HPSE2: variants seen among roughly 807,000 people sequenced by gnomAD.
HPSE2 encodes the protein heparanase 2 (inactive).
Under a neutral mutation model 60.5 loss-of-function variants are expected in HPSE2, and 38 were observed. The observed-to-expected ratio is 0.63, with a 90% CI of 0.48 to 0.82. The LOEUF (loss-of-function observed/expected upper bound fraction) is 0.82. Ranked by LOEUF, HPSE2 falls within the 40% of genes least tolerant of loss-of-function variation. HPSE2 has a pLI of 0.00. For missense variants in HPSE2, 713 were observed against 740.4 expected, an observed-to-expected ratio of 0.96 and a Z score of 0.43; for synonymous variants, 295 against 293.2, an observed-to-expected ratio of 1.01 and a Z score of -0.06.
chr10:99,186,542 C>CA lies in HPSE2; in HGVS notation c.449-42144dup, dbSNP rs60186369. Among the ~76,000 whole-genome samples the CA allele has an allele frequency of 5.7e-3, 342 of 59,482 alleles. 36 individuals carry two copies. Among genetic ancestry groups the CA allele is most frequent in the African/African-American group, 0.017 (205 of 12,344 alleles). The allele number at this position is 59,482 out of a possible 152,430, so 39.0% of individuals were successfully genotyped here. Reference sequence around the variant, plus strand: ...TAGGTGACAGAGTGAGACTCCATCTCAAAAAAAAAAAAAAAAAAAAAAAAA... The same window carrying CA: ...TAGGTGACAGAGTGAGACTCCATCTCAAAAAAAAAAAAAAAAAAAAAAAAAA... On this transcript the variant is annotated intron_variant, in intron 2 of 11. Transcript: ENST00000370552.
intron 9 of HPSE2, among the ~76,000 whole-genome samples, chr10:98,595,164 ATTTTTTTTTT>A (rs34509249): frequency 1.1e-5 from 1 of 91,688 alleles, no homozygotes; most frequent in Non-Finnish European, 2.1e-5. Context: ...TATAAATGAG[ATTTTTTTTTT>A]TTTTTTTTTT....
intron 6 of HPSE2, among the ~76,000 whole-genome samples, chr10:98,652,069 C>T (rs1419824568): frequency 6.6e-6 from 1 of 152,058 alleles, no homozygotes; most frequent in South Asian, 2.1e-4. Context: ...CCACGCTCGG[C>T]CAGAAATAGT....
At chr10:99,153,840 G>C (rs1299831278) in intron 2 of HPSE2, among the ~76,000 whole-genome samples, 1 of 151,622 alleles carries the variant, frequency 6.6e-6, no homozygotes, top group African/African-American at 2.4e-5. Context: ...AGGTAAAGAA[G>C]TTGAAAACTT....
chr10:98,533,709 C>T (rs1943197850), intron 9 of HPSE2, among the ~76,000 whole-genome samples: 1 of 152,040 alleles, frequency 6.6e-6, no homozygotes, highest in African/African-American at 2.4e-5. Context: ...TACTGCTCAC[C>T]CTAAGTAATG....
intron 11 of HPSE2, among the ~76,000 whole-genome samples, chr10:98,481,349 G>A (rs1941227264): frequency 1.3e-5 from 2 of 152,094 alleles, no homozygotes; most frequent in Non-Finnish European, 2.9e-5. Context: ...CAAAGGATTA[G>A]GATAAAATAA....
chr10:99,021,541 T>C (rs1374149651), intron 3 of HPSE2, among the ~76,000 whole-genome samples: 1 of 151,910 alleles, frequency 6.6e-6, no homozygotes, highest in Non-Finnish European at 1.5e-5. Context: ...GGTCCTACTC[T>C]AAATTAATTA....
intron 3 of HPSE2, among the ~76,000 whole-genome samples, chr10:99,109,404 G>A (rs1419670084): frequency 6.6e-6 from 1 of 151,938 alleles, no homozygotes; most frequent in Non-Finnish European, 1.5e-5. Flanking sequence ...TGAGTTGCTT[G>A]GAATTATTGC....
chr10:99,047,480 AT>A (rs1957882271), intron 3 of HPSE2, among the ~76,000 whole-genome samples: 1 of 152,222 alleles, frequency 6.6e-6, no homozygotes, highest in Non-Finnish European at 1.5e-5. Flanking sequence ...GTGGGACCTA[AT>A]TAAACAGAAG....
chr10:99,029,569 G>T (rs1957453380), intron 3 of HPSE2, among the ~76,000 whole-genome samples: 1 of 152,210 alleles, frequency 6.6e-6, no homozygotes, highest in African/African-American at 2.4e-5. Flanking sequence ...CACTGGACAG[G>T]GGGCCCTTCC....
intron 9 of HPSE2, among the ~76,000 whole-genome samples, chr10:98,521,233 T>C (rs1311948280): frequency 1.3e-5 from 2 of 152,158 alleles, no homozygotes; most frequent in East Asian, 1.9e-4. Flanking sequence ...ATTTTTGCAA[T>C]CTACCCATCT....
the HPSE2 span, among the ~76,000 whole-genome samples, chr10:99,269,413 A>AAT: frequency 1.3e-5 from 2 of 152,130 alleles, no homozygotes; most frequent in Admixed American, 6.5e-5. Context: ...ATCAGTCCTA[A>AAT]ATATATATAT....
intron 7 of HPSE2, among the ~76,000 whole-genome samples, chr10:98,629,569 T>C (rs1413116713): frequency 6.6e-6 from 1 of 152,238 alleles, no homozygotes; most frequent in African/African-American, 2.4e-5. Context: ...TGTCCTCTTC[T>C]TCCTCACTGC....
chr10:98,592,664 G>A (rs1945122331), intron 9 of HPSE2, among the ~76,000 whole-genome samples: 1 of 152,152 alleles, frequency 6.6e-6, no homozygotes, highest in Non-Finnish European at 1.5e-5. Flanking sequence ...TTTTCTGGGG[G>A]AAATTTAATC....
chr10:99,143,984 A>T (rs1419552672), intron 3 of HPSE2, among the ~76,000 whole-genome samples: 1 of 152,218 alleles, frequency 6.6e-6, no homozygotes, highest in Non-Finnish European at 1.5e-5. Flanking sequence ...ACTGGCATAC[A>T]TTTAGAAAGT....
At chr10:98,991,886 G>C (rs1216115824) in intron 3 of HPSE2, among the ~76,000 whole-genome samples, 1 of 152,114 alleles carries the variant, frequency 6.6e-6, no homozygotes. Context: ...GAGCAGGTCT[G>C]AAGCAGGCTT....
chr10:98,630,185 T>G lies in HPSE2; in HGVS notation c.1099-9477A>C, dbSNP rs539148334. ...CTTTTCAACTACACGAAGCAATCGTTTTTTTTTTTGTTTTTTTTTTTTTTG... is the reference window on the plus strand; with the variant it reads ...CTTTTCAACTACACGAAGCAATCGTGTTTTTTTTTGTTTTTTTTTTTTTTG... On this transcript the variant is annotated intron_variant, in intron 7 of 11. Coordinates refer to ENST00000370552, the MANE Select transcript of HPSE2 (RefSeq NM_021828.5). Among the ~76,000 whole-genome samples the G allele has an allele frequency of 1.5e-4, 23 of 149,334 alleles. No homozygotes were observed. The East Asian group carries it at 3.2e-3, about 21-fold the overall frequency.
At chr10:98,628,917 G>GA (rs35286605) in intron 7 of HPSE2, among the ~76,000 whole-genome samples, 8,061 of 148,824 alleles carry the variant, frequency 0.054, 289 homozygotes, top group Non-Finnish European at 0.08. Flanking sequence ...AAAGAAAAAA[G>GA]AAAAAAAAAA....
At chr10:99,269,803 T>C in the HPSE2 span, among the ~76,000 whole-genome samples, 3 of 152,146 alleles carry the variant, frequency 2.0e-5, no homozygotes, top group South Asian at 2.1e-4. Flanking sequence ...CAGAATAAAA[T>C]TGGAAATCAA....
chr10:99,157,985 A>G (rs1846650215), intron 2 of HPSE2, among the ~76,000 whole-genome samples: 1 of 141,836 alleles, frequency 7.1e-6, no homozygotes, highest in Non-Finnish European at 1.6e-5. Context: ...TTATGCAGCC[A>G]AAAAACACAT....
Sources: gnomAD v4.1 joint callset for allele counts (sites outside exome capture counted in the v4.1 genomes callset) on GRCh38, gnomAD v4.1.1 for gene constraint, MANE v1.5 for transcripts, NCBI Gene and HGNC (gene_info 2026-07-23, HGNC 2026-07-21) for gene names.